XPA: variants seen among roughly 807,000 people sequenced by gnomAD.
The protein encoded by XPA is XPA, DNA damage recognition and repair factor.
In XPA, 27 loss-of-function variants were observed where a neutral mutation model predicts 35.7. That is an observed-to-expected ratio of 0.76 (90% confidence interval 0.56 to 1.04). The LOEUF (loss-of-function observed/expected upper bound fraction) is 1.04. XPA is among the 50% of genes least tolerant of loss of function. The pLI is 0.00. For synonymous variants in XPA, 133 were observed against 118.4 expected, an observed-to-expected ratio of 1.12 and a Z score of -0.80; for missense variants, 354 against 342.7, an observed-to-expected ratio of 1.03 and a Z score of -0.26.
chr9:97,657,356 A>G, the XPA span, among the ~76,000 whole-genome samples: 3 of 151,856 alleles, frequency 2.0e-5, no homozygotes, highest in South Asian at 2.1e-4. Context: ...TCTTTTTTCT[A>G]TCTTTGTGTT....
chr9:97,655,634 A>G, the XPA span: 5 of 1,323,124 alleles, frequency 3.8e-6, no homozygotes, highest in Admixed American at 2.0e-5. Context: ...GAAGGCTTAT[A>G]TAAGTTTCTG....
intron 5 of XPA, among the ~76,000 whole-genome samples, chr9:97,679,550 T>TA (rs60116923): frequency 0.094 from 14,204 of 151,448 alleles, 2,277 homozygotes; most frequent in African/African-American, 0.33. Flanking sequence ...AGCTGATGCT[T>TA]AAAAAAAAAT....
At chr9:97,682,366 A>C (rs1368799491) in intron 5 of XPA, 1 of 518,932 alleles carries the variant, frequency 1.9e-6, no homozygotes, top group East Asian at 5.4e-5. Context: ...CCTTGTGTCT[A>C]ATCTCTACAG....
Position 97,687,082 on chromosome 9 carries a change from A to C in XPA, c.555+14T>G. ...TACCAGAGTGAAAAATAATAAATAC[A>C]ACTTATTAGAGACCTGTAACTTTAA... On this transcript the variant is annotated intron_variant, in intron 4 of 5. Coordinates refer to ENST00000375128, the MANE Select transcript of XPA (RefSeq NM_000380.4). The C allele has an allele frequency of 6.3e-7, 1 of 1,599,104 alleles. No individual in the cohort carries two copies. Among genetic ancestry groups the C allele is most frequent in the African/African-American group, 1.3e-5 (1 of 74,496 alleles).
chr9:97,661,761 T>C, the XPA span, among the ~76,000 whole-genome samples: 3 of 145,094 alleles, frequency 2.1e-5, no homozygotes, highest in Admixed American at 1.4e-4. Context: ...GGTATTAATA[T>C]AATAGAGGCT....
the XPA span, among the ~76,000 whole-genome samples, chr9:97,665,942 G>A: frequency 6.6e-6 from 1 of 152,188 alleles, no homozygotes; most frequent in Non-Finnish European, 1.5e-5. Flanking sequence ...CATGAAGTGA[G>A]AGTGGATCAT....
At chr9:97,675,900 G>A (rs1167256428) in intron 5 of XPA, 3 of 365,470 alleles carry the variant, frequency 8.2e-6, no homozygotes, top group Non-Finnish European at 1.5e-5. Flanking sequence ...AACACAATAG[G>A]ACACATTCAG....
intron 5 of XPA, 141 bp from the exon 6 acceptor site, chr9:97,675,728 T>C (rs1411503305): frequency 3.7e-6 from 4 of 1,086,124 alleles, no homozygotes; most frequent in African/African-American, 3.2e-5. Context: ...CTTAATTTTA[T>C]AACAAAGTTG....
chr9:97,676,720 T>C (rs1457985269), intron 5 of XPA, among the ~76,000 whole-genome samples: 1 of 152,198 alleles, frequency 6.6e-6, no homozygotes, highest in Non-Finnish European at 1.5e-5. Flanking sequence ...ATTTTACAGA[T>C]GAGAAAACCA....
chr9:97,668,153 G>A, the XPA span, among the ~76,000 whole-genome samples: 1 of 152,142 alleles, frequency 6.6e-6, no homozygotes, highest in African/African-American at 2.4e-5. Flanking sequence ...AAGTACCTTG[G>A]TATGTAACAC....
At chr9:97,691,390 C>A (rs184674600) in intron 2 of XPA, among the ~76,000 whole-genome samples, 1 of 152,310 alleles carries the variant, frequency 6.6e-6, no homozygotes, top group African/African-American at 2.4e-5. Context: ...AGAACTGTTT[C>A]TCCCAGCAAG....
the XPA span, among the ~76,000 whole-genome samples, chr9:97,668,595 C>T: frequency 6.6e-6 from 1 of 152,106 alleles, no homozygotes. Context: ...CATGTTGTTA[C>T]CAAGACAAGT....
chr9:97,687,174 C>T lies in XPA; in HGVS notation c.477G>A (p.Glu159=). The T allele has an allele frequency of 6.2e-7, 1 of 1,612,434 alleles. No homozygotes were observed. Among genetic ancestry groups the T allele is most frequent in the Non-Finnish European group, 8.5e-7 (1 of 1,179,518 alleles). The change falls in exon 4 of 6, where the codon GAG becomes GAA. Residue 159 remains glutamate (E), a synonymous_variant. Transcript: ENST00000375128. ...TCTTCACAATAAATTTAAGAGGTGG[C>T]TCTCTTTTTTCTAAATCACAGTCTT... ...LLKDCDLEKR[E]PPLKFIVKKN...
the XPA span, among the ~76,000 whole-genome samples, chr9:97,667,242 T>G: frequency 6.6e-6 from 1 of 152,100 alleles, no homozygotes; most frequent in Non-Finnish European, 1.5e-5. Context: ...CTTAACACTT[T>G]CCCCGTACTG....
Position 97,687,248 on chromosome 9 carries a change from T to C in XPA, c.403A>G (p.Lys135Glu), listed in dbSNP as rs370356656. The C allele has an allele frequency of 1.3e-5, 21 of 1,606,334 alleles. No homozygotes were observed. The African/African-American group carries it at 2.8e-4, about 22-fold the overall frequency. ...TCDNCRDADD[K>E]HKLITKTEAK... is the part of the protein sequence containing the mutation. ...TCTGTTTTGGTTATAAGCTTGTGTT[T>C]ATCATCAGCATCTCTGAAAACAGAT... Residue 135 changes from lysine to glutamate, a missense_variant, in exon 4 of 6, where the codon AAA becomes GAA. Physicochemically the swap from Lys to Glu is moderately conservative, Grantham distance 56. Coordinates refer to ENST00000375128, the MANE Select transcript of XPA (RefSeq NM_000380.4).
chr9:97,695,347 A>G (rs1177654903), intron 1 of XPA, among the ~76,000 whole-genome samples: 1 of 152,212 alleles, frequency 6.6e-6, no homozygotes, highest in African/African-American at 2.4e-5. Flanking sequence ...CAATTCTCAC[A>G]CTATAATGCC....
At chr9:97,686,555 T>C (rs1828722526) in intron 4 of XPA, among the ~76,000 whole-genome samples, 1 of 152,200 alleles carries the variant, frequency 6.6e-6, no homozygotes, top group Admixed American at 6.5e-5. Context: ...CTGACTCCCA[T>C]TCCAACCTTT....
At chr9:97,682,954 A>C (rs1441672069) in intron 5 of XPA, among the ~76,000 whole-genome samples, 1 of 152,224 alleles carries the variant, frequency 6.6e-6, no homozygotes, top group Non-Finnish European at 1.5e-5. Context: ...CTGTTTGTCA[A>C]ATTACAGGAA....
chr9:97,658,894 T>G, the XPA span: 2 of 638,020 alleles, frequency 3.1e-6, no homozygotes, highest in Non-Finnish European at 5.5e-6. Flanking sequence ...AGCCACTGTT[T>G]TATTTGCCCT....
Sources: gnomAD v4.1 joint callset for allele counts (sites outside exome capture counted in the v4.1 genomes callset) on GRCh38, gnomAD v4.1.1 for gene constraint, MANE v1.5 for transcripts, NCBI Gene and HGNC (gene_info 2026-07-23, HGNC 2026-07-21) for gene names.